The following KCNMA1 variants were observed in gnomAD, a reference collection of about 807,000 sequenced individuals.
KCNMA1 encodes the protein Calcium-activated potassium channel subunit alpha-1.
KCNMA1 carries 29 observed loss-of-function variants against 140.0 expected under a neutral mutation model. The ratio of observed to expected loss-of-function variants is 0.21; its 90% CI spans 0.15 to 0.28. KCNMA1 has a LOEUF of 0.28. Among genes scored for constraint, KCNMA1 ranks in the 10% least tolerant of loss-of-function variants. The pLI, the probability that KCNMA1 is intolerant of heterozygous loss-of-function variation, is 1.00. For synonymous variants in KCNMA1, 612 were observed against 611.9 expected, an observed-to-expected ratio of 1.00 and a Z score of 0.00; for missense variants, 880 against 1,602.2, an observed-to-expected ratio of 0.55 and a Z score of 7.70.
chr10:77,605,950 A>C (rs2084335353), intron 1 of KCNMA1, among the ~76,000 whole-genome samples: 1 of 152,194 alleles, frequency 6.6e-6, no homozygotes, highest in East Asian at 1.9e-4. Flanking sequence ...AACTGAATCC[A>C]TGGTCCTCAC....
intron 3 of KCNMA1, among the ~76,000 whole-genome samples, chr10:77,199,752 GC>G (rs2041857425): frequency 6.6e-6 from 1 of 152,114 alleles, no homozygotes. Flanking sequence ...CTAAGCTTGG[GC>G]AGAGAGACAG....
At position 77,012,431 on chromosome 10, in the gene KCNMA1, A is replaced by T. The variant is rs901767091; in HGVS notation, c.2016-388T>A. The T allele has an allele frequency of 3.2e-6, 5 of 1,548,584 alleles. No homozygotes were observed. In the African/African-American group the frequency reaches 5.5e-5, roughly 17 times the overall value. On this transcript the variant is annotated intron_variant, in intron 17 of 27. Transcript: ENST00000286628. ...AGTTAAATACAACACCAAAATTCCC[A>T]CAGTCTGGTCAAATATATATTTGAG... is the stretch of plus-strand genomic sequence containing the variant.
chr10:77,614,127 G>A (rs1802389141), intron 1 of KCNMA1, among the ~76,000 whole-genome samples: 1 of 152,174 alleles, frequency 6.6e-6, no homozygotes, highest in African/African-American at 2.4e-5. Flanking sequence ...CTCAACCTCA[G>A]CTTCCAGAAA....
chr10:77,461,704 C>T (rs74140159), intron 1 of KCNMA1, among the ~76,000 whole-genome samples: 1 of 152,318 alleles, frequency 6.6e-6, no homozygotes, highest in African/African-American at 2.4e-5. Flanking sequence ...ACAGGTCTGG[C>T]TCACTTCTGA....
intron 1 of KCNMA1, among the ~76,000 whole-genome samples, chr10:77,481,750 G>A (rs140393630): frequency 0.023 from 3,354 of 146,830 alleles, 73 homozygotes; most frequent in East Asian, 0.064. Flanking sequence ...ACTGTAGCCT[G>A]GGCAACAGAG....
intron 17 of KCNMA1, among the ~76,000 whole-genome samples, chr10:77,017,720 T>G (rs1316923419): frequency 6.6e-6 from 1 of 152,216 alleles, no homozygotes. Flanking sequence ...CGTATCAGGC[T>G]TAACCTAGGC....
At chr10:77,378,122 G>T (rs1738616497) in intron 2 of KCNMA1, among the ~76,000 whole-genome samples, 1 of 152,152 alleles carries the variant, frequency 6.6e-6, no homozygotes, top group Non-Finnish European at 1.5e-5. Flanking sequence ...AATGCTCTGT[G>T]TGCTCATTCA....
chr10:77,053,801 G>T (rs1348327367), intron 14 of KCNMA1, among the ~76,000 whole-genome samples: 2 of 152,178 alleles, frequency 1.3e-5, no homozygotes, highest in African/African-American at 4.8e-5. Flanking sequence ...TTGAAGGAGA[G>T]AATTTATAGA....
intron 2 of KCNMA1, among the ~76,000 whole-genome samples, chr10:77,332,577 ATGGACAGCCC>A (rs60963609): frequency 0.55 from 82,626 of 151,604 alleles, 23,288 homozygotes; most frequent in African/African-American, 0.7. Context: ...GGGTGGCAGA[ATGGACAGCCC>A]TGCCATCTGC....
At chr10:76,996,964 G>A (rs1005817031) in intron 19 of KCNMA1, among the ~76,000 whole-genome samples, 1 of 152,182 alleles carries the variant, frequency 6.6e-6, no homozygotes, top group Non-Finnish European at 1.5e-5. Context: ...GTTGGAGACT[G>A]TCAGGATAGG....
rs2574790 is a variant in KCNMA1 at position 77,108,828 on chromosome 10, C to A, written c.1132-256G>T. On this transcript the variant is annotated intron_variant, in intron 8 of 27. Coordinates refer to ENST00000286628, the MANE Select transcript of KCNMA1 (RefSeq NM_001161352.2). This position sits in a 1 kb window ranked among gnomAD's most constrained non-coding sequence, Gnocchi z 4.6. ...ATCACAGTCGAGAAAAATACAAAGG[C>A]GACAGGAATAAATAAGGTGATATCT... Among the ~76,000 whole-genome samples the A allele has an allele frequency of 0.93, 140,804 of 152,196 alleles. 65,386 individuals are homozygous for A. The highest frequency in any genetic ancestry group is 0.98 in the African/African-American group (40,779 of 41,538).
At chr10:77,550,234 C>A (rs939449361) in intron 1 of KCNMA1, among the ~76,000 whole-genome samples, 1 of 152,180 alleles carries the variant, frequency 6.6e-6, no homozygotes, top group Non-Finnish European at 1.5e-5. Context: ...GGGATCCCAG[C>A]CTACTCCCAA....
chr10:76,990,981 G>A (rs1332551985), intron 19 of KCNMA1, among the ~76,000 whole-genome samples: 16 of 152,164 alleles, frequency 1.1e-4, no homozygotes, highest in Non-Finnish European at 4.4e-5. Flanking sequence ...ACCTCCACGC[G>A]GGAGGAATCA....
intron 1 of KCNMA1, among the ~76,000 whole-genome samples, chr10:77,491,714 TACACACACACACACACACAC>T (rs3071912): frequency 1.2e-4 from 17 of 145,580 alleles, no homozygotes; most frequent in East Asian, 4.2e-4. Context: ...TTAGAAGTCA[TACACACACACACACACACAC>T]ACACACACAC....
chr10:77,486,300 A>G (rs1267093181), intron 1 of KCNMA1, among the ~76,000 whole-genome samples: 1 of 152,070 alleles, frequency 6.6e-6, no homozygotes, highest in African/African-American at 2.4e-5. Flanking sequence ...GACCGCAGAG[A>G]ATGAACTTAG....
rs575507832 is a variant in KCNMA1 at position 77,637,773 on chromosome 10, G to T, written c.-131C>A. 64 of 1,300,072 alleles carry T rather than the reference G, an allele frequency of 4.9e-5. No individual in the cohort carries two copies. Among genetic ancestry groups the T allele is most frequent in the Middle Eastern group, 5.7e-4 (2 of 3,486 alleles). The allele number at this position is 1,300,072 out of a possible 1,614,324, so 80.5% of individuals were successfully genotyped here. A position where few individuals can be genotyped will look rare whatever the true frequency, so the allele number is the denominator to read the frequency against. On this transcript the variant is annotated 5_prime_UTR_variant, in exon 1 of 28. Transcript: ENST00000286628. ...CCGCCGCCGCCGCGGAGCGCGGGAG[G>T]GGGGCGGGGAGGCGCCTGGGCTCGG...
chr10:77,633,660 T>C (rs1261149282), intron 1 of KCNMA1, among the ~76,000 whole-genome samples: 1 of 152,196 alleles, frequency 6.6e-6, no homozygotes, highest in Non-Finnish European at 1.5e-5. Flanking sequence ...AGAAAACGTG[T>C]TGTTTTCTCA....
At chr10:77,504,620 C>T (rs1030741740) in intron 1 of KCNMA1, among the ~76,000 whole-genome samples, 2 of 152,040 alleles carry the variant, frequency 1.3e-5, no homozygotes, top group Non-Finnish European at 2.9e-5. Context: ...GACAGGGTCT[C>T]ACTCTGTTGC....
intron 22 of KCNMA1, among the ~76,000 whole-genome samples, chr10:76,948,443 G>A (rs2065045588): frequency 6.6e-6 from 1 of 152,148 alleles, no homozygotes; most frequent in Non-Finnish European, 1.5e-5. Context: ...GAGAGTTTGT[G>A]GACTATGCAT....
Sources: gnomAD v4.1 joint callset for allele counts (sites outside exome capture counted in the v4.1 genomes callset) on GRCh38, gnomAD v4.1.1 for gene constraint, Gnocchi (gnomAD v3.1) non-coding constraint, MANE v1.5 for transcripts, NCBI Gene and HGNC (gene_info 2026-07-23, HGNC 2026-07-21) for gene names.